The following LRRK2 variants were observed in gnomAD, a reference collection of about 807,000 sequenced individuals.
The protein encoded by LRRK2 is leucine rich repeat kinase 2, also known as leucine-rich repeat serine/threonine-protein kinase 2.
LRRK2 carries 203 observed loss-of-function variants against 302.6 expected under a neutral mutation model. The observed-to-expected ratio is 0.67, with a 90% CI of 0.60 to 0.75. LRRK2 has a LOEUF of 0.75. Ranked by LOEUF, LRRK2 falls within the 30% of genes least tolerant of loss-of-function variation. LRRK2 has a pLI of 0.00. For synonymous variants in LRRK2, 1,066 were observed against 1,031.9 expected (o/e 1.03, Z -0.63); for missense variants, 2,830 against 2,951.0 (o/e 0.96, Z 0.95).
At chr12:40,316,428 C>A in intron 33 of LRRK2, 2 of 703,350 alleles carry the variant, frequency 2.8e-6, no homozygotes, top group Non-Finnish European at 3.5e-6. Flanking sequence ...ATTAGATTTT[C>A]AGCCTTCTGC....
intron 16 of LRRK2, among the ~76,000 whole-genome samples, chr12:40,277,273 A>T (rs1943496739): frequency 6.6e-6 from 1 of 152,180 alleles, no homozygotes; most frequent in Non-Finnish European, 1.5e-5. Flanking sequence ...GACTCTGGGG[A>T]TGTGCTTAAG....
intron 2 of LRRK2, among the ~76,000 whole-genome samples, chr12:40,231,583 A>G (rs1052049496): frequency 6.7e-6 from 1 of 148,170 alleles, no homozygotes; most frequent in Admixed American, 6.7e-5. Context: ...AACCAAAAAA[A>G]AAAAAAAAAC....
At chr12:40,278,065 C>T (rs779300722) in intron 17 of LRRK2, 26 bp from the exon 18 acceptor site, 2 of 1,613,768 alleles carry the variant, frequency 1.2e-6, no homozygotes, top group Non-Finnish European at 1.7e-6. Context: ...TTATCTGACT[C>T]TAATTCTCAT....
intron 44 of LRRK2, among the ~76,000 whole-genome samples, chr12:40,352,469 C>CTTTTT (rs1307806388): frequency 1.9e-5 from 2 of 104,536 alleles, no homozygotes; most frequent in Non-Finnish European, 2.0e-5. Flanking sequence ...GTTAAACAAT[C>CTTTTT]TTTTTTTTTT....
chr12:40,259,407 T>G, intron 12 of LRRK2, 73 bp from the exon 13 acceptor site: 1 of 1,585,380 alleles, frequency 6.3e-7, no homozygotes, highest in South Asian at 1.1e-5. Flanking sequence ...CCTCCTGTAC[T>G]TATTTCAATT....
intron 41 of LRRK2, among the ~76,000 whole-genome samples, chr12:40,344,002 G>A (rs895455514): frequency 2.0e-5 from 3 of 152,104 alleles, no homozygotes; most frequent in Non-Finnish European, 4.4e-5. Context: ...TTGAAAAGGA[G>A]AAGATTAGAA....
At chr12:40,348,229 T>A (rs1946254148) in intron 42 of LRRK2, among the ~76,000 whole-genome samples, 180 bp from the exon 43 acceptor site, 1 of 152,210 alleles carries the variant, frequency 6.6e-6, no homozygotes, top group South Asian at 2.1e-4. Flanking sequence ...TCCACATCTC[T>A]TAGTGGAGAT....
intron 39 of LRRK2, among the ~76,000 whole-genome samples, chr12:40,330,500 T>C (rs906034661): frequency 4.6e-5 from 7 of 152,180 alleles, no homozygotes; most frequent in African/African-American, 1.7e-4. Context: ...TTTACAAGTA[T>C]GTGTTTGTGT....
chr12:40,257,287 T>C lies in LRRK2; in HGVS notation c.1328T>C (p.Leu443Pro). The change falls in exon 12 of 51, where the codon CTG becomes CCG. Residue 443 changes from leucine to proline, a missense_variant. By Grantham distance (98) the Leu-to-Pro change is moderately conservative. Transcript: ENST00000298910. Reference protein sequence around the residue: ...RKILLSKGIHLNVLELMQKHI... With the variant: ...RKILLSKGIHPNVLELMQKHI... ...ATACTGTTATCAAAAGGAATACACCTGAATGTTTTGGAGTTAATGCAGAAG... is the reference window on the plus strand; with the variant it reads ...ATACTGTTATCAAAAGGAATACACCCGAATGTTTTGGAGTTAATGCAGAAG... 6.3e-7 allele frequency: 1 copy of C among 1,595,820 alleles called. No individual in the cohort carries two copies. The highest frequency in any genetic ancestry group is 1.7e-4 in the Middle Eastern group (1 of 6,018).
chr12:40,279,300 T>G (rs763263151), intron 18 of LRRK2, among the ~76,000 whole-genome samples: 6 of 150,036 alleles, frequency 4.0e-5, no homozygotes, highest in Non-Finnish European at 7.4e-5. Context: ...ATTTGTTGAC[T>G]GTTAAGATTA....
chr12:40,304,926 C>G (rs1211264547), intron 27 of LRRK2: 6 of 151,986 alleles, frequency 3.9e-5, no homozygotes, highest in Admixed American at 1.3e-4. Flanking sequence ...CATTGTATCA[C>G]CAAATCTCTG....
chr12:40,263,660 CAT>C (rs1192580721), intron 13 of LRRK2, 127 bp from the exon 14 acceptor site: 19 of 588,800 alleles, frequency 3.2e-5, no homozygotes, highest in East Asian at 5.7e-5. Flanking sequence ...GATAAGGAAA[CAT>C]GTACTAGAAA....
chr12:40,255,521 C>T (rs2723265), intron 11 of LRRK2, among the ~76,000 whole-genome samples: 141,394 of 152,226 alleles, frequency 0.93, 66,536 homozygotes, highest in Middle Eastern at 1. Flanking sequence ...AATTTTCAAA[C>T]CACACATTGG....
At position 40,346,902 on chromosome 12, in the gene LRRK2, G is replaced by A; in HGVS notation, c.6259G>A (p.Glu2087Lys). The change falls in exon 42 of 51, where the codon GAA (glutamate) becomes AAA (lysine). Residue 2087 changes from glutamate to lysine, a missense_variant. Glu to Lys is a moderately conservative substitution (Grantham distance 56). Transcript: ENST00000298910. ...GTTTCCAAATGAGTTTGATGAATTA[G>A]AAATACAAGGAAAATTACCTGGTAA... ...LKFPNEFDELEIQGKLPDPVK... is the reference protein window; with the variant it reads ...LKFPNEFDELKIQGKLPDPVK... 6.2e-7 allele frequency: 1 copy of A among 1,611,394 alleles called. No homozygotes were observed. Among genetic ancestry groups the A allele is most frequent in the Non-Finnish European group, 8.5e-7 (1 of 1,179,328 alleles).
chr12:40,281,441 T>C (rs1400383356), intron 18 of LRRK2, among the ~76,000 whole-genome samples: 1 of 152,252 alleles, frequency 6.6e-6, no homozygotes, highest in Non-Finnish European at 1.5e-5. Context: ...GTTTTGATAA[T>C]GCACTGCATT....
At chr12:40,323,637 C>T (rs574244280) in intron 38 of LRRK2, among the ~76,000 whole-genome samples, 2 of 152,094 alleles carry the variant, frequency 1.3e-5, no homozygotes, top group East Asian at 3.9e-4. Context: ...GTGAAGCAGC[C>T]ATATTTTATA....
At chr12:40,233,476 T>A (rs547979668) in intron 3 of LRRK2, among the ~76,000 whole-genome samples, 15 of 152,254 alleles carry the variant, frequency 9.9e-5, no homozygotes, top group Non-Finnish European at 2.2e-4. Flanking sequence ...CATTTTCCCC[T>A]CTTTGACAAA....
At chr12:40,273,460 A>G (rs1943320274) in intron 14 of LRRK2, among the ~76,000 whole-genome samples, 1 of 152,206 alleles carries the variant, frequency 6.6e-6, no homozygotes, top group South Asian at 2.1e-4. Context: ...CCTCTATAAA[A>G]AAGATACTGA....
chr12:40,319,574 T>TGAATTCATGGA (rs1378957284), intron 33 of LRRK2, among the ~76,000 whole-genome samples: 1 of 152,096 alleles, frequency 6.6e-6, no homozygotes, highest in Non-Finnish European at 1.5e-5. Flanking sequence ...AGTCCTCTCC[T>TGAATTCATGGA]AGTATATAAA....
Sources: gnomAD v4.1 joint callset for allele counts (sites outside exome capture counted in the v4.1 genomes callset) on GRCh38, gnomAD v4.1.1 for gene constraint, MANE v1.5 for transcripts, NCBI Gene and HGNC (gene_info 2026-07-23, HGNC 2026-07-21) for gene names.